Variants in MYO5B observed in about 807,000 individuals in gnomAD.
MYO5B encodes the protein unconventional myosin-Vb.
Under a neutral mutation model 229.3 loss-of-function variants are expected in MYO5B, and 143 were observed. That is an observed-to-expected ratio of 0.62 (90% CI 0.54 to 0.72). The LOEUF (loss-of-function observed/expected upper bound fraction) is 0.72. Ranked by LOEUF, MYO5B falls within the 30% of genes least tolerant of loss-of-function variation. MYO5B has a pLI of 0.00. For missense variants in MYO5B, 2,321 were observed against 2,331.0 expected (o/e 1.00, Z 0.09); for synonymous variants, 918 against 885.2 (o/e 1.04, Z -0.66).
In MYO5B at chr18:50,115,363, G is replaced by A. The variant is rs189327818; in HGVS notation, c.28-59985C>T. On this transcript the variant is annotated intron_variant, in intron 1 of 39. Coordinates refer to ENST00000285039, the MANE Select transcript of MYO5B (RefSeq NM_001080467.3). ...TCTATGGAATTCAATCTTACGGCTA[G>A]ACTTCACTAGCCTTACATAACAGAA... is the stretch of plus-strand genomic sequence containing the variant. Among the ~76,000 whole-genome samples, 3 of 152,310 alleles carry A rather than the reference G, an allele frequency of 2.0e-5. No individual in the cohort carries two copies. In the East Asian group the frequency reaches 5.8e-4, roughly 29 times the overall value.
intron 1 of MYO5B, among the ~76,000 whole-genome samples, chr18:50,164,912 G>A (rs1051122565): frequency 6.6e-6 from 1 of 152,176 alleles, no homozygotes; most frequent in African/African-American, 2.4e-5. Context: ...GACTGGGAGT[G>A]TATTCAGTGT....
chr18:50,052,656 G>T (rs1234732884), intron 2 of MYO5B, among the ~76,000 whole-genome samples: 1 of 150,508 alleles, frequency 6.6e-6, no homozygotes, highest in African/African-American at 2.4e-5. Flanking sequence ...GTATACATAT[G>T]TAACTAACCT....
At chr18:50,189,872 G>A (rs2033203923) in intron 1 of MYO5B, among the ~76,000 whole-genome samples, 1 of 152,160 alleles carries the variant, frequency 6.6e-6, no homozygotes, top group African/African-American at 2.4e-5. Flanking sequence ...CAAAAGCACA[G>A]AAGATCTATT....
rs112228166 is a variant in MYO5B at position 49,891,409 on chromosome 18, T to C, written c.3045+3532A>G. Among the ~76,000 whole-genome samples, 500 of 152,270 alleles carry C rather than the reference T, an allele frequency of 3.3e-3. 2 individuals are homozygous for C. The highest frequency in any genetic ancestry group is 0.011 in the African/African-American group (469 of 41,556). ...ATTCACGTTAGATTCCTCTCTGTAC[T>C]TTCTTCCCCCATCCCCACACATTTA... On this transcript the variant is annotated intron_variant, in intron 22 of 39. Coordinates refer to ENST00000285039, the MANE Select transcript of MYO5B (RefSeq NM_001080467.3).
chr18:49,834,594 G>A (rs889983284), intron 39 of MYO5B, among the ~76,000 whole-genome samples: 3 of 152,068 alleles, frequency 2.0e-5, no homozygotes, highest in Admixed American at 1.3e-4. Context: ...TTAAATAACC[G>A]TTTTCCCTAA....
Position 49,933,816 on chromosome 18 carries a change from T to C in MYO5B, c.2003+2436A>G, listed in dbSNP as rs577915289. On this transcript the variant is annotated intron_variant, in intron 16 of 39. Transcript: ENST00000285039. ...TCTAGGATGATGTAACTAATAACTG[T>C]AATCACATAAATTTTTATACTCTCA... 5.3e-5 allele frequency among the ~76,000 whole-genome samples: 8 copies of C among 152,330 alleles called. No individual in the cohort carries two copies. The South Asian group carries it at 1.7e-3, about 32-fold the overall frequency.
intron 16 of MYO5B, among the ~76,000 whole-genome samples, chr18:49,934,351 C>T (rs1367921788): frequency 6.6e-6 from 1 of 152,202 alleles, no homozygotes; most frequent in Non-Finnish European, 1.5e-5. Flanking sequence ...GGTCAGTATT[C>T]CTCCCACCTT....
chr18:49,857,632 G>T (rs143207203), intron 29 of MYO5B, among the ~76,000 whole-genome samples: 67 of 152,330 alleles, frequency 4.4e-4, no homozygotes, highest in African/African-American at 1.4e-3. Context: ...TGGGACTGGG[G>T]TGCGTTACCA....
chr18:50,137,282 C>A (rs79426080), intron 1 of MYO5B, among the ~76,000 whole-genome samples: 3,877 of 152,322 alleles, frequency 0.025, 164 homozygotes, highest in African/African-American at 0.089. Flanking sequence ...ACATTTTGAA[C>A]AAACGTTATT....
At chr18:49,868,569 G>A (rs1032359639) in intron 27 of MYO5B, among the ~76,000 whole-genome samples, 3 of 152,216 alleles carry the variant, frequency 2.0e-5, no homozygotes, top group South Asian at 2.1e-4. Flanking sequence ...AGCAGGGTCT[G>A]TCTGCCCAGC....
In MYO5B at chr18:49,942,745, G is replaced by A. The variant is rs1281089479; in HGVS notation, c.1753-5348C>T. Among the ~76,000 whole-genome samples the A allele has an allele frequency of 5.3e-5, 8 of 151,912 alleles. No homozygotes were observed. In the East Asian group the frequency reaches 1.5e-3, roughly 29 times the overall value. On this transcript the variant is annotated intron_variant, in intron 14 of 39. Transcript: ENST00000285039. ...TGCTGGAGAGGATGTGGAGAAATAG[G>A]AACACTTTTACACTGTTGGTGGGAC...
At chr18:49,838,551 AC>A (rs748233206) in intron 36 of MYO5B, among the ~76,000 whole-genome samples, 5 of 152,188 alleles carry the variant, frequency 3.3e-5, no homozygotes, top group Non-Finnish European at 5.9e-5. Context: ...TGTTGTAAGA[AC>A]CTGGGGAAAG....
intron 22 of MYO5B, among the ~76,000 whole-genome samples, chr18:49,884,421 G>T (rs376337044): frequency 5.3e-5 from 8 of 151,904 alleles, no homozygotes; most frequent in African/African-American, 1.9e-4. Context: ...CCATAATGTA[G>T]AATCAGTGGG....
intron 1 of MYO5B, among the ~76,000 whole-genome samples, chr18:50,174,328 G>GT (rs1173084138): frequency 6.6e-6 from 1 of 152,070 alleles, no homozygotes; most frequent in Non-Finnish European, 1.5e-5. Flanking sequence ...GTATCACAGG[G>GT]GATGGTGCAC....
In MYO5B at chr18:49,912,108, G is replaced by A; in HGVS notation, c.2156C>T (p.Thr719Ile). Residue 719 changes from threonine to isoleucine, a missense_variant, in exon 18 of 40, where the codon ACA (threonine) becomes ATA (isoleucine). Physicochemically the swap from Thr to Ile is moderately conservative, Grantham distance 89. Transcript: ENST00000285039. Reference sequence around the variant, plus strand: ...AGACCTGCAGATGGCCTTTTTGTCTGTGTTGGCGAGCTCTCTCTTCTTGAC... The same window carrying A: ...AGACCTGCAGATGGCCTTTTTGTCTATGTTGGCGAGCTCTCTCTTCTTGAC... Reference protein sequence around the residue: ...VLVKKRELANTDKKAICRSVL... With the variant: ...VLVKKRELANIDKKAICRSVL... 1.2e-6 allele frequency: 2 copies of A among 1,614,126 alleles called. No individual in the cohort carries two copies. The highest frequency in any genetic ancestry group is 8.5e-7 in the Non-Finnish European group (1 of 1,180,034).
chr18:49,960,330 G>A (rs572532811), intron 12 of MYO5B, among the ~76,000 whole-genome samples: 4 of 152,314 alleles, frequency 2.6e-5, no homozygotes, highest in East Asian at 1.9e-4. Flanking sequence ...AAGAAAGGAC[G>A]TGTCTGAGGC....
chr18:49,860,601 C>G (rs1277428091), intron 29 of MYO5B, among the ~76,000 whole-genome samples: 2 of 151,330 alleles, frequency 1.3e-5, no homozygotes, highest in African/African-American at 2.5e-5. Context: ...AAACAAAACT[C>G]TACAAACTTA....
intron 1 of MYO5B, among the ~76,000 whole-genome samples, chr18:50,068,024 C>CAT (rs879297784): frequency 1.2e-3 from 143 of 124,204 alleles, no homozygotes; most frequent in Non-Finnish European, 1.5e-3. Flanking sequence ...CACGTACATA[C>CAT]ATATATATAT....
intron 4 of MYO5B, among the ~76,000 whole-genome samples, chr18:50,005,228 C>G (rs2026088570): frequency 6.6e-6 from 1 of 152,200 alleles, no homozygotes; most frequent in Non-Finnish European, 1.5e-5. Flanking sequence ...ACGATGCATA[C>G]TCCTAATGCT....
Sources: allele counts gnomAD v4.1 joint callset (sites outside exome capture counted in the v4.1 genomes callset), GRCh38; gene constraint gnomAD v4.1.1; transcripts MANE v1.5; gene names NCBI Gene and HGNC (gene_info 2026-07-23, HGNC 2026-07-21).